RELN: variants seen among roughly 807,000 people sequenced by gnomAD.
RELN encodes reelin.
A neutral mutation model predicts 427.6 loss-of-function variants in RELN; 108 were observed. That is an observed-to-expected ratio of 0.25 (90% CI 0.22 to 0.30). The LOEUF is 0.30. RELN is among the 10% of genes least tolerant of loss of function. RELN has a pLI of 1.00. For synonymous variants in RELN, 1,524 were observed against 1,513.4 expected (o/e 1.01, Z -0.16); for missense variants, 3,715 against 4,302.8 (o/e 0.86, Z 3.82).
intron 28 of RELN, among the ~76,000 whole-genome samples, chr7:103,582,958 G>A (rs1257665514): frequency 6.6e-6 from 1 of 152,152 alleles, no homozygotes; most frequent in Non-Finnish European, 1.5e-5. Context: ...TCATTGAGAT[G>A]TAAGATTCAT....
Position 103,750,337 on chromosome 7 carries a change from C to T in RELN, c.578-833G>A, listed in dbSNP as rs576320985. On this transcript the variant is annotated intron_variant, in intron 5 of 64. Coordinates refer to ENST00000428762, the MANE Select transcript of RELN (RefSeq NM_005045.4). ...TTTTGCTCGGCACTTCTTGCTGCCA[C>T]CATGTGAAGAAGGACGTGTTTGCTT... is the stretch of plus-strand genomic sequence containing the variant. Among the ~76,000 whole-genome samples the T allele has an allele frequency of 5.2e-3, 794 of 152,234 alleles. 8 individuals carry two copies. Among genetic ancestry groups the T allele is most frequent in the African/African-American group, 0.018 (759 of 41,538 alleles).
chr7:103,581,067 A>G (rs1325919002), intron 28 of RELN, among the ~76,000 whole-genome samples: 1 of 152,160 alleles, frequency 6.6e-6, no homozygotes, highest in Non-Finnish European at 1.5e-5. Flanking sequence ...AAACACAGAT[A>G]TGTTCTTATG....
chr7:103,505,883 G>A (rs1329545679), intron 51 of RELN, among the ~76,000 whole-genome samples: 2 of 152,196 alleles, frequency 1.3e-5, no homozygotes, highest in Non-Finnish European at 2.9e-5. Context: ...AACCAGTTTA[G>A]AGAAGAATAT....
chr7:103,676,111 A>G (rs1206997281), intron 11 of RELN, among the ~76,000 whole-genome samples: 1 of 152,180 alleles, frequency 6.6e-6, no homozygotes, highest in Non-Finnish European at 1.5e-5. Flanking sequence ...AACCTATAGA[A>G]TGGGAGAAAA....
intron 4 of RELN, among the ~76,000 whole-genome samples, chr7:103,755,267 G>T (rs575248817): frequency 1.3e-5 from 2 of 152,030 alleles, no homozygotes; most frequent in Non-Finnish European, 2.9e-5. Context: ...AGGAGATCGA[G>T]ACCATCCTGG....
intron 5 of RELN, among the ~76,000 whole-genome samples, chr7:103,751,944 T>A (rs553917038): frequency 2.6e-4 from 40 of 152,340 alleles, no homozygotes; most frequent in African/African-American, 9.1e-4. Context: ...TTAAATACTA[T>A]AGTGTAGGAA....
At chr7:103,669,289 A>G (rs938901000) in intron 11 of RELN, among the ~76,000 whole-genome samples, 3 of 152,306 alleles carry the variant, frequency 2.0e-5, no homozygotes, top group African/African-American at 7.2e-5. Context: ...GCTTTACTGA[A>G]TTTTTACAAG....
chr7:103,775,436 G>A (rs1160871813), intron 4 of RELN, among the ~76,000 whole-genome samples: 1 of 152,150 alleles, frequency 6.6e-6, no homozygotes, highest in East Asian at 1.9e-4. Context: ...CTTAGATAAA[G>A]TCATATTGTG....
chr7:103,657,954 CTG>C (rs765345873), intron 12 of RELN, among the ~76,000 whole-genome samples: 3 of 152,030 alleles, frequency 2.0e-5, no homozygotes, highest in African/African-American at 4.8e-5. Context: ...AGGCAGTAAA[CTG>C]TGTTGTGCTG....
chr7:103,662,765 A>G (rs768418422), intron 11 of RELN, among the ~76,000 whole-genome samples: 1 of 152,092 alleles, frequency 6.6e-6, no homozygotes, highest in African/African-American at 2.4e-5. Flanking sequence ...GAGAGTTTGG[A>G]AAGAGGGGAG....
chr7:103,493,015 T>G (rs1352544314), intron 57 of RELN, among the ~76,000 whole-genome samples: 1 of 152,224 alleles, frequency 6.6e-6, no homozygotes, highest in Non-Finnish European at 1.5e-5. Flanking sequence ...GACCAGAAGC[T>G]GCAGCCTAAG....
rs556992720 is a variant in RELN, at chr7:103,630,083, T to C, written c.2559A>G (p.Val853=). The C allele has an allele frequency of 1.2e-6, 2 of 1,613,310 alleles. No individual in the cohort carries two copies. Among genetic ancestry groups the C allele is most frequent in the South Asian group, 1.1e-5 (1 of 91,072 alleles). ...QPYHSSQRED[V]WAIDEIIMTS... Reference sequence around the variant, plus strand: ...TCATGATAATCTCATCAATAGCCCATACATCTTCTCTCTGGGAAGAATGAT... The same window carrying C: ...TCATGATAATCTCATCAATAGCCCACACATCTTCTCTCTGGGAAGAATGAT... The change falls in exon 20 of 65, where the codon GTA becomes GTG. Residue 853 remains valine (V), a synonymous_variant. Transcript: ENST00000428762.
At position 103,491,432 on chromosome 7, in the gene RELN, G is replaced by C. The variant is rs149311668; in HGVS notation, c.9443+521C>G. Among the ~76,000 whole-genome samples, 1,085 of 152,056 alleles carry C rather than the reference G, an allele frequency of 7.1e-3. 12 individuals are homozygous for C. The highest frequency in any genetic ancestry group is 0.024 in the African/African-American group (997 of 41,466). ...TTGGTGGCAGCCTTGAATGAAAATG[G>C]ATTTTTTTGGTTTGAAGGAAAATTT... On this transcript the variant is annotated intron_variant, in intron 58 of 64. Transcript: ENST00000428762.
At chr7:103,947,599 C>T (rs1421786187) in intron 1 of RELN, among the ~76,000 whole-genome samples, 1 of 152,172 alleles carries the variant, frequency 6.6e-6, no homozygotes, top group Admixed American at 6.5e-5. Flanking sequence ...TTTCAGACTT[C>T]TATCCTCTAG....
At chr7:103,654,348 CAAGGAAA>C in intron 12 of RELN, 143 bp from the exon 13 acceptor site, 2 of 644,808 alleles carry the variant, frequency 3.1e-6, no homozygotes, top group Non-Finnish European at 5.6e-6. Flanking sequence ...TAAACAGACT[CAAGGAAA>C]TAATTTATAA....
Position 103,603,567 on chromosome 7 carries a change from C to T in RELN, c.3147-77G>A, listed in dbSNP as rs569987459. 250 of 1,099,782 alleles carry T rather than the reference C, an allele frequency of 2.3e-4. 3 individuals carry two copies. In the African/African-American group the frequency reaches 3.2e-3, roughly 14 times the overall value. 68.1% of individuals were successfully genotyped at this position (1,099,782 alleles called of 1,614,324 possible). On this transcript the variant is annotated intron_variant, in intron 23 of 64. Coordinates refer to ENST00000428762, the MANE Select transcript of RELN (RefSeq NM_005045.4). The surrounding 1 kb of genome is among the most constrained non-coding windows in gnomAD (Gnocchi z 4.3). ...AATGGCCCTCTGACCTCAACCATTT[C>T]CCATGTCTTACTTTTGCTCAGGTCT...
At position 103,826,653 on chromosome 7, in the gene RELN, A is replaced by C. The variant is rs39349; in HGVS notation, c.473+6884T>G. ...AGGCAGTTTGGAAAAACGAAATTTC[A>C]CACTTCTAAAACTGGTTTAATCAAT... is the stretch of plus-strand genomic sequence containing the variant. On this transcript the variant is annotated intron_variant, in intron 3 of 64. Coordinates refer to ENST00000428762, the MANE Select transcript of RELN (RefSeq NM_005045.4). 4.4e-3 allele frequency among the ~76,000 whole-genome samples: 674 copies of C among 152,170 alleles called. 4 individuals are homozygous for C. Among genetic ancestry groups the C allele is most frequent in the Non-Finnish European group, 4.7e-3 (321 of 68,002 alleles).
At chr7:103,566,984 A>T (rs1031985232) in intron 31 of RELN, among the ~76,000 whole-genome samples, 2 of 152,006 alleles carry the variant, frequency 1.3e-5, no homozygotes, top group Non-Finnish European at 2.9e-5. Context: ...AGCTCTTATA[A>T]GACTGCTCAG....
intron 6 of RELN, among the ~76,000 whole-genome samples, chr7:103,732,006 T>A (rs1432946567): frequency 2.6e-5 from 4 of 152,142 alleles, no homozygotes; most frequent in African/African-American, 7.2e-5. Context: ...ACATTTCAAG[T>A]GTTCCACAGC....
Sources: gnomAD v4.1 joint callset for allele counts (sites outside exome capture counted in the v4.1 genomes callset) on GRCh38, gnomAD v4.1.1 for gene constraint, Gnocchi (gnomAD v3.1) non-coding constraint, MANE v1.5 for transcripts, NCBI Gene and HGNC (gene_info 2026-07-23, HGNC 2026-07-21) for gene names.